The following NFIB variants were observed in gnomAD, a reference collection of about 807,000 sequenced individuals.
NFIB encodes nuclear factor I B.
In NFIB, 11 loss-of-function variants were observed where a neutral mutation model predicts 61.5. The ratio of observed to expected loss-of-function variants is 0.18; its 90% CI spans 0.11 to 0.30. The LOEUF is 0.30. Ranked by LOEUF, NFIB falls within the 10% of genes least tolerant of loss-of-function variation. NFIB has a pLI of 1.00. For synonymous variants in NFIB, 260 were observed against 216.5 expected, an observed-to-expected ratio of 1.20 and a Z score of -1.76; for missense variants, 471 against 608.9, an observed-to-expected ratio of 0.77 and a Z score of 2.38.
chr9:14,330,962 G>A (rs891211787), intron 1 of NFIB, among the ~76,000 whole-genome samples: 6 of 152,120 alleles, frequency 3.9e-5, no homozygotes, highest in East Asian at 1.9e-4. Flanking sequence ...GAGTTTCCCC[G>A]AGGTCTAGAT....
chr9:14,178,092 G>A (rs978801271), intron 3 of NFIB, among the ~76,000 whole-genome samples: 1 of 152,074 alleles, frequency 6.6e-6, no homozygotes, highest in Non-Finnish European at 1.5e-5. Flanking sequence ...ACTTATAATA[G>A]CTATCAACTC....
the NFIB span, among the ~76,000 whole-genome samples, chr9:14,475,300 T>G: frequency 1.3e-5 from 2 of 152,126 alleles, no homozygotes; most frequent in Admixed American, 6.5e-5. Context: ...GCTCCAGAGT[T>G]TTGCTTCTCA....
chr9:14,130,359 G>T (rs1401400642), intron 6 of NFIB, among the ~76,000 whole-genome samples: 1 of 152,112 alleles, frequency 6.6e-6, no homozygotes, highest in East Asian at 1.9e-4. Flanking sequence ...TGCCATCCCT[G>T]ATCTATGACA....
At chr9:14,484,061 G>C in the NFIB span, among the ~76,000 whole-genome samples, 3 of 152,208 alleles carry the variant, frequency 2.0e-5, no homozygotes, top group Admixed American at 2.0e-4. Context: ...TGATCACAGG[G>C]ATGTCTTGAG....
chr9:14,301,463 T>C (rs1043380540), intron 2 of NFIB, among the ~76,000 whole-genome samples: 1 of 152,196 alleles, frequency 6.6e-6, no homozygotes, highest in Non-Finnish European at 1.5e-5. Context: ...CCTAATGCTG[T>C]CAGTAGAATA....
At chr9:14,516,177 C>T in the NFIB span, among the ~76,000 whole-genome samples, 4 of 152,220 alleles carry the variant, frequency 2.6e-5, no homozygotes, top group South Asian at 8.3e-4. Flanking sequence ...GTAACCAATT[C>T]CACAAATGCC....
At chr9:14,471,836 A>G in the NFIB span, among the ~76,000 whole-genome samples, 1 of 152,192 alleles carries the variant, frequency 6.6e-6, no homozygotes, top group African/African-American at 2.4e-5. Flanking sequence ...GCTGTTTCCC[A>G]GTTGGGACAA....
the NFIB span, among the ~76,000 whole-genome samples, chr9:14,499,726 A>G: frequency 1.3e-5 from 2 of 152,166 alleles, no homozygotes; most frequent in Non-Finnish European, 2.9e-5. Context: ...TTTTGAGTGC[A>G]AATCTCATGC....
At chr9:14,254,829 G>A (rs944894797) in intron 2 of NFIB, among the ~76,000 whole-genome samples, 10 of 152,300 alleles carry the variant, frequency 6.6e-5, no homozygotes, top group African/African-American at 2.4e-4. Flanking sequence ...GCATATATGT[G>A]CATTTACAAG....
chr9:14,140,266 T>G lies in NFIB; in HGVS notation c.925+6423A>C, dbSNP rs1378360981. ...TCATTTAATGTTAATGACTCCCAGA[T>G]AGCAGTTATTCAACCATCTATGACA... On this transcript the variant is annotated intron_variant, in intron 6 of 10. Transcript: ENST00000380953. 5.9e-5 allele frequency among the ~76,000 whole-genome samples: 9 copies of G among 152,310 alleles called. 2 individuals carry two copies. The South Asian group carries it at 1.9e-3, about 32-fold the overall frequency.
At chr9:14,174,231 A>T (rs941433098) in intron 3 of NFIB, among the ~76,000 whole-genome samples, 8 of 152,168 alleles carry the variant, frequency 5.3e-5, no homozygotes, top group African/African-American at 1.9e-4. Flanking sequence ...TTCTCAAATT[A>T]CTTAAAGGTT....
At chr9:14,136,314 G>A (rs1324235105) in intron 6 of NFIB, among the ~76,000 whole-genome samples, 1 of 152,094 alleles carries the variant, frequency 6.6e-6, no homozygotes, top group Non-Finnish European at 1.5e-5. Flanking sequence ...TGCAGGACTT[G>A]GAGCATATTT....
intron 1 of NFIB, among the ~76,000 whole-genome samples, chr9:14,363,180 C>A (rs575745796): frequency 7.7e-4 from 117 of 152,230 alleles, no homozygotes; most frequent in African/African-American, 2.8e-3. Flanking sequence ...TAAAATTAAA[C>A]ACAAACTCTT....
chr9:14,511,650 A>G, the NFIB span, among the ~76,000 whole-genome samples: 1 of 152,202 alleles, frequency 6.6e-6, no homozygotes, highest in Non-Finnish European at 1.5e-5. Context: ...CCCACACACT[A>G]TGACTGGTCT....
At chr9:14,488,849 G>C in the NFIB span, among the ~76,000 whole-genome samples, 1 of 152,162 alleles carries the variant, frequency 6.6e-6, no homozygotes, top group Non-Finnish European at 1.5e-5. Context: ...GCTTATGGTA[G>C]GCTGCTTTTG....
chr9:14,255,518 A>C (rs556965534), intron 2 of NFIB, among the ~76,000 whole-genome samples: 1 of 152,304 alleles, frequency 6.6e-6, no homozygotes, highest in African/African-American at 2.4e-5. Context: ...ACATGATATA[A>C]AAATCCAGGG....
chr9:14,499,025 CACGTGTGTGTGTGCACGTGTGT>C, the NFIB span, among the ~76,000 whole-genome samples: 1 of 150,442 alleles, frequency 6.6e-6, no homozygotes, highest in Non-Finnish European at 1.5e-5. Context: ...TGCACATGTG[CACGTGTGTGTGTGCACGTGTGT>C]ACGTGTGTGT....
chr9:14,102,369 G>C (rs1330592153), intron 10 of NFIB: 21 of 1,433,524 alleles, frequency 1.5e-5, no homozygotes, highest in Non-Finnish European at 4.8e-6. Context: ...AAACACTATA[G>C]CTCATGTAAT....
At chr9:14,233,045 G>C (rs1490137588) in intron 2 of NFIB, among the ~76,000 whole-genome samples, 1 of 152,134 alleles carries the variant, frequency 6.6e-6, no homozygotes, top group African/African-American at 2.4e-5. Flanking sequence ...TGATAGGATA[G>C]AGCAAAAAGT....
Sources: allele counts gnomAD v4.1 joint callset (sites outside exome capture counted in the v4.1 genomes callset), GRCh38; gene constraint gnomAD v4.1.1; transcripts MANE v1.5; gene names NCBI Gene and HGNC (gene_info 2026-07-23, HGNC 2026-07-21).